Variants in CCDC181 observed in about 807,000 individuals in gnomAD.
CCDC181 encodes the protein coiled-coil domain-containing protein 181.
A neutral mutation model predicts 58.7 loss-of-function variants in CCDC181; 35 were observed. The observed-to-expected ratio is 0.60, with a 90% confidence interval of 0.46 to 0.79. The LOEUF is 0.79. CCDC181 is among the 30% of genes least tolerant of loss of function. The pLI, the probability that CCDC181 is intolerant of heterozygous loss-of-function variation, is 0.00. For missense variants in CCDC181, 517 were observed against 583.9 expected (o/e 0.89, Z 1.18); for synonymous variants, 183 against 197.5 (o/e 0.93, Z 0.62).
upstream of CCDC181, among the ~76,000 whole-genome samples, chr1:169,428,367 C>G (rs1041019492): frequency 6.6e-6 from 1 of 151,844 alleles, no homozygotes; most frequent in African/African-American, 2.4e-5. Flanking sequence ...AGTCAAATCT[C>G]CTTTAATGGA....
chr1:169,400,844 G>T (rs575740551), intron 4 of CCDC181, among the ~76,000 whole-genome samples: 1 of 152,258 alleles, frequency 6.6e-6, no homozygotes, highest in Admixed American at 6.5e-5. Context: ...ACAGAGCACA[G>T]TGGGGCATCG....
In CCDC181 at chr1:169,447,118, G is replaced by T. The variant is rs533619127; in HGVS notation, c.-24+12679C>A. On this transcript the variant is annotated intron_variant, in intron 2 of 6. Transcript: ENST00000545005. ...CTCTATACTCTTAAAAGTTGTTTTT[G>T]GTTTATTTTTTTGAGACAGAGTCTT... 4.6e-5 allele frequency among the ~76,000 whole-genome samples: 7 copies of T among 151,802 alleles called. No individual in the cohort carries two copies. In the South Asian group the frequency reaches 1.5e-3, roughly 32 times the overall value.
chr1:169,400,668 G>A (rs1460604495), intron 4 of CCDC181, among the ~76,000 whole-genome samples: 1 of 152,142 alleles, frequency 6.6e-6, no homozygotes, highest in Admixed American at 6.5e-5. Context: ...TAAAGAAATG[G>A]AAATTTAAAA....
rs755125820 is a variant in CCDC181, at chr1:169,424,879, C to G, written c.49G>C (p.Asp17His). The G allele has an allele frequency of 1.2e-6, 2 of 1,607,466 alleles. No homozygotes were observed. The highest frequency in any genetic ancestry group is 2.7e-5 in the African/African-American group (2 of 74,816). The change falls in exon 2 of 6, where the codon GAT becomes CAT. Residue 17 changes from aspartate to histidine, a missense_variant. Asp to His is a moderately conservative substitution (Grantham distance 81, BLOSUM62 -1). Transcript: ENST00000367806. ...CACTCCAGGTCCTTTTCAAAGTCAT[C>G]TTCGTATTCTTCACTTTTCTTTGAA... Reference protein sequence around the residue: ...TDSKKSEEYEDDFEKDLEWLI... With the variant: ...TDSKKSEEYEHDFEKDLEWLI...
At chr1:169,417,485 C>T (rs902504489) in intron 4 of CCDC181, among the ~76,000 whole-genome samples, 5 of 152,080 alleles carry the variant, frequency 3.3e-5, no homozygotes, top group African/African-American at 9.7e-5. Flanking sequence ...CTTCCATGCC[C>T]TCTTGGGGGC....
Position 169,395,214 on chromosome 1 carries a change from A to C in CCDC181, c.1371-8T>G. On this transcript the variant is annotated splice_region_variant and splice_polypyrimidine_tract_variant and intron_variant, in intron 5 of 5. Transcript: ENST00000367806. ...CGTTTCCTTCTTAACCATCTGTAGA[A>C]ACAGGCATGATCAGATTTGGTGAGT... 1 of 1,608,136 alleles carries C rather than the reference A, an allele frequency of 6.2e-7. No individual in the cohort carries two copies. The highest frequency in any genetic ancestry group is 1.1e-5 in the South Asian group (1 of 89,910).
At chr1:169,457,183 C>T (rs897522961) in intron 2 of CCDC181, among the ~76,000 whole-genome samples, 2 of 152,022 alleles carry the variant, frequency 1.3e-5, no homozygotes, top group Non-Finnish European at 2.9e-5. Context: ...TCTCCTTGTC[C>T]TAAGTTAATT....
intron 2 of CCDC181, chr1:169,442,770 AAAT>A (rs2101749441): frequency 6.6e-6 from 1 of 152,226 alleles, no homozygotes; most frequent in South Asian, 2.1e-4. Context: ...AGAGGACAAT[AAAT>A]AATAAACATA....
intron 1 of CCDC181, among the ~76,000 whole-genome samples, chr1:169,425,673 A>C (rs1307165213): frequency 1.3e-5 from 2 of 152,140 alleles, no homozygotes; most frequent in Non-Finnish European, 2.9e-5. Flanking sequence ...ATGATACAGA[A>C]TAAAACTCAC....
chr1:169,455,091 G>T (rs1657650204), intron 2 of CCDC181, among the ~76,000 whole-genome samples: 1 of 151,352 alleles, frequency 6.6e-6, no homozygotes. Flanking sequence ...TCATTTTCCT[G>T]TCTATTGACT....
intron 2 of CCDC181, among the ~76,000 whole-genome samples, chr1:169,424,417 T>A (rs1656624372): frequency 1.3e-5 from 2 of 151,950 alleles, no homozygotes; most frequent in Admixed American, 6.6e-5. Flanking sequence ...GAGGATTTGC[T>A]TTATTTTTCA....
chr1:169,397,210 G>A, intron 5 of CCDC181, 27 bp downstream of exon 5: 1 of 1,498,910 alleles, frequency 6.7e-7, no homozygotes, highest in Non-Finnish European at 8.9e-7. Flanking sequence ...GAAGGAGGAG[G>A]GGGGAAATGC....
chr1:169,446,100 AT>A (rs1657364994), intron 2 of CCDC181, among the ~76,000 whole-genome samples: 1 of 151,882 alleles, frequency 6.6e-6, no homozygotes, highest in South Asian at 2.1e-4. Flanking sequence ...AATTTCGTTG[AT>A]TTCTCCTCTA....
At chr1:169,399,787 G>GA (rs1655236975) in intron 4 of CCDC181, among the ~76,000 whole-genome samples, 1 of 152,108 alleles carries the variant, frequency 6.6e-6, no homozygotes, top group Non-Finnish European at 1.5e-5. Context: ...CTGAGAGTAA[G>GA]AAAAAACATG....
chr1:169,419,635 C>T (rs926326705), intron 3 of CCDC181, among the ~76,000 whole-genome samples: 4 of 152,002 alleles, frequency 2.6e-5, no homozygotes, highest in African/African-American at 9.7e-5. Flanking sequence ...CCTAAAGTAG[C>T]CTGTATTATA....
At chr1:169,425,985 T>A (rs548332794) in intron 1 of CCDC181, among the ~76,000 whole-genome samples, 4 of 152,020 alleles carry the variant, frequency 2.6e-5, no homozygotes, top group Non-Finnish European at 5.9e-5. Flanking sequence ...AAAATCTGTA[T>A]AATAAAAGCA....
At chr1:169,445,637 T>C (rs1173803840) in intron 2 of CCDC181, among the ~76,000 whole-genome samples, 1 of 152,178 alleles carries the variant, frequency 6.6e-6, no homozygotes, top group Non-Finnish European at 1.5e-5. Flanking sequence ...AGGATAATGA[T>C]GTCCTTATAG....
chr1:169,442,473 G>A (rs1466479724), intron 2 of CCDC181, among the ~76,000 whole-genome samples: 1 of 151,984 alleles, frequency 6.6e-6, no homozygotes, highest in Non-Finnish European at 1.5e-5. Flanking sequence ...ATTCTAATAA[G>A]CTCAGATCTC....
At chr1:169,410,210 CAAA>C (rs35345802) in intron 4 of CCDC181, among the ~76,000 whole-genome samples, 23 of 85,494 alleles carry the variant, frequency 2.7e-4, no homozygotes, top group Non-Finnish European at 2.9e-4. Context: ...AAATGGAAAG[CAAA>C]AAAAAAAAAA....
Sources: gnomAD v4.1 joint callset for allele counts (sites outside exome capture counted in the v4.1 genomes callset) on GRCh38, gnomAD v4.1.1 for gene constraint, MANE v1.5 for transcripts, NCBI Gene and HGNC (gene_info 2026-07-23, HGNC 2026-07-21) for gene names.